JHY: variants seen among roughly 807,000 people sequenced by gnomAD.
JHY encodes the protein jhy protein homolog.
In JHY, 69 loss-of-function variants were observed where a neutral mutation model predicts 78.0. That is an observed-to-expected ratio of 0.88 (90% confidence interval 0.73 to 1.08). JHY has a LOEUF of 1.08. Ranked by LOEUF, JHY falls within the 50% of genes least tolerant of loss-of-function variation. JHY has a pLI of 0.00. For missense variants in JHY, 944 were observed against 927.8 expected (o/e 1.02, Z -0.23); for synonymous variants, 368 against 342.6 (o/e 1.07, Z -0.82).
At chr11:122,913,154 A>C (rs1199340385) in intron 3 of JHY, among the ~76,000 whole-genome samples, 1 of 152,180 alleles carries the variant, frequency 6.6e-6, no homozygotes, top group Non-Finnish European at 1.5e-5. Context: ...AAGGGGGCCT[A>C]TCCAGGCACA....
intron 2 of JHY, among the ~76,000 whole-genome samples, chr11:122,894,406 C>T (rs1171372022): frequency 6.6e-6 from 1 of 152,104 alleles, no homozygotes; most frequent in Non-Finnish European, 1.5e-5. Flanking sequence ...CACCTGTGCA[C>T]ATTTTATAAA....
At chr11:122,946,938 T>C in intron 6 of JHY, 146 bp downstream of exon 6, 1 of 887,646 alleles carries the variant, frequency 1.1e-6, no homozygotes, top group South Asian at 1.9e-5. Flanking sequence ...AGTTTCTTAC[T>C]CCTGCCCCTG....
intron 2 of JHY, among the ~76,000 whole-genome samples, chr11:122,889,021 C>A (rs1227483716): frequency 6.6e-6 from 1 of 152,160 alleles, no homozygotes; most frequent in African/African-American, 2.4e-5. Flanking sequence ...GGGTATAAAT[C>A]TCCAGGAGTG....
At position 122,960,837 on chromosome 11, in the gene JHY, G is replaced by T; in HGVS notation, c.*1392G>T. 1.6e-6 allele frequency: 1 copy of T among 638,408 alleles called. No individual in the cohort carries two copies. The allele number at this position is 638,408 out of a possible 1,614,324, so 39.5% of individuals were successfully genotyped here. A position where few individuals can be genotyped will look rare whatever the true frequency, so the allele number is the denominator to read the frequency against. ...TCAGAAGCGCCATTACCTTTTTGAT[G>T]TGCAGAGGAATAACATTGCTATGGC... On this transcript the variant is annotated 3_prime_UTR_variant, in exon 9 of 9. Coordinates refer to ENST00000227349, the MANE Select transcript of JHY (RefSeq NM_024806.4).
intron 2 of JHY, among the ~76,000 whole-genome samples, chr11:122,890,290 C>T (rs550802612): frequency 7.0e-4 from 106 of 152,216 alleles, no homozygotes; most frequent in African/African-American, 2.3e-3. Flanking sequence ...GTGGTAGATA[C>T]TATCATGATC....
chr11:122,895,362 A>C (rs2370798), intron 2 of JHY, among the ~76,000 whole-genome samples: 63,997 of 152,092 alleles, frequency 0.42, 16,060 homozygotes, highest in Middle Eastern at 0.58. Flanking sequence ...GCTTTTATTC[A>C]CCTCCTCAAC....
chr11:122,905,211 A>G (rs763275815), intron 3 of JHY: 2 of 1,613,980 alleles, frequency 1.2e-6, no homozygotes, highest in East Asian at 2.2e-5. Flanking sequence ...TGATGGATTC[A>G]AAACCTTTTG....
chr11:122,890,648 TTC>T, intron 2 of JHY, among the ~76,000 whole-genome samples: 1 of 152,198 alleles, frequency 6.6e-6, no homozygotes, highest in Admixed American at 6.5e-5. Flanking sequence ...TTAACCCTTG[TTC>T]TTACCAAAGG....
chr11:122,900,226 G>T (rs138129736), intron 2 of JHY, among the ~76,000 whole-genome samples: 1 of 152,294 alleles, frequency 6.6e-6, no homozygotes, highest in Non-Finnish European at 1.5e-5. Context: ...ATTCAGCAAG[G>T]CGTGACAGTT....
At chr11:122,925,090 C>A in intron 4 of JHY, 80 bp downstream of exon 4, 1 of 1,095,268 alleles carries the variant, frequency 9.1e-7, no homozygotes, top group African/African-American at 1.6e-5. Flanking sequence ...GAGTTCTTAT[C>A]ACTTAAGGGT....
intron 4 of JHY, among the ~76,000 whole-genome samples, chr11:122,931,343 T>C (rs914201142): frequency 2.6e-5 from 4 of 152,218 alleles, no homozygotes; most frequent in African/African-American, 9.6e-5. Context: ...ATTAAAGATA[T>C]ATAGGACCTT....
Position 122,962,709 on chromosome 11 carries a change from T to G in JHY, c.*3264T>G, listed in dbSNP as rs141164796. ...ATATTTAAAGGGATAGGGTAAAATT[T>G]TTAAATATTCCATTTGTATTATCTT... On this transcript the variant is annotated 3_prime_UTR_variant, in exon 9 of 9. Coordinates refer to ENST00000227349, the MANE Select transcript of JHY (RefSeq NM_024806.4). Among the ~76,000 whole-genome samples the G allele has an allele frequency of 3.6e-3, 545 of 152,284 alleles. 4 individuals carry two copies. Among genetic ancestry groups the G allele is most frequent in the Admixed American group, 5.2e-3 (80 of 15,302 alleles).
At chr11:122,951,529 C>T (rs894004725) in intron 6 of JHY, among the ~76,000 whole-genome samples, 4 of 152,092 alleles carry the variant, frequency 2.6e-5, no homozygotes, top group South Asian at 2.1e-4. Context: ...TGTTTTTTGT[C>T]GTGTTTTTCA....
Position 122,928,550 on chromosome 11 carries a change from G to A in JHY, c.978+3540G>A, listed in dbSNP as rs562721761. On this transcript the variant is annotated intron_variant, in intron 4 of 8. Transcript: ENST00000227349. The stretch of plus-strand genomic sequence containing the variant: ...ATTAGGTGCCTGGCCCAAAAGATAC[G>A]GGGAAAAAAAAAAAAAACAAGCAAA... Among the ~76,000 whole-genome samples the A allele has an allele frequency of 3.6e-4, 51 of 139,750 alleles. No homozygotes were observed. The South Asian group carries it at 5.4e-3, about 15-fold the overall frequency. The allele number at this position is 139,750 out of a possible 152,430, so 91.7% of individuals were successfully genotyped here. A position where few individuals can be genotyped will look rare whatever the true frequency, so the allele number is the denominator to read the frequency against.
Position 122,960,579 on chromosome 11 carries a change from CT to C in JHY, c.*1136del. 1 of 254,866 alleles carries C rather than the reference CT, an allele frequency of 3.9e-6. No homozygotes were observed. Among genetic ancestry groups the C allele is most frequent in the South Asian group, 5.7e-5 (1 of 17,600 alleles). The allele number at this position is 254,866 out of a possible 1,614,324, so 15.8% of individuals were successfully genotyped here. On this transcript the variant is annotated 3_prime_UTR_variant, in exon 9 of 9. Coordinates refer to ENST00000227349, the MANE Select transcript of JHY (RefSeq NM_024806.4). ...AGGACCCTATGTGCTCCAAACTGGG[CT>C]TATCTTGTATGCTTTATCCAAAGAA...
intron 3 of JHY, among the ~76,000 whole-genome samples, chr11:122,916,753 G>A (rs547038446): frequency 7.4e-4 from 112 of 152,044 alleles, no homozygotes; most frequent in African/African-American, 2.5e-3. Flanking sequence ...AATTCTCATG[G>A]CTCAGCCACC....
intron 3 of JHY, among the ~76,000 whole-genome samples, chr11:122,916,192 G>A (rs1388277042): frequency 1.3e-5 from 2 of 152,020 alleles, no homozygotes; most frequent in Non-Finnish European, 2.9e-5. Flanking sequence ...CATTTGAGAT[G>A]TTCCCAACAC....
intron 2 of JHY, among the ~76,000 whole-genome samples, chr11:122,900,965 C>T (rs1383093056): frequency 2.0e-5 from 3 of 152,186 alleles, no homozygotes; most frequent in African/African-American, 4.8e-5. Context: ...TCACAGTTCT[C>T]TTTCTAAACA....
intron 3 of JHY, among the ~76,000 whole-genome samples, chr11:122,915,714 ATGTT>A (rs1863220571): frequency 6.6e-6 from 1 of 152,004 alleles, no homozygotes; most frequent in Non-Finnish European, 1.5e-5. Context: ...GGGTTTCACC[ATGTT>A]GGCCAGGCTG....
Sources: gnomAD v4.1 joint callset for allele counts (sites outside exome capture counted in the v4.1 genomes callset) on GRCh38, gnomAD v4.1.1 for gene constraint, MANE v1.5 for transcripts, NCBI Gene and HGNC (gene_info 2026-07-23, HGNC 2026-07-21) for gene names.